The following LRMDA variants were observed in gnomAD, a reference collection of about 807,000 sequenced individuals.
The protein encoded by LRMDA is leucine-rich melanocyte differentiation-associated protein.
LRMDA carries 18 observed loss-of-function variants against 29.8 expected under a neutral mutation model. The observed-to-expected ratio is 0.60, with a 90% CI of 0.42 to 0.90. LRMDA has a LOEUF of 0.90. Among genes scored for constraint, LRMDA ranks in the 40% least tolerant of loss-of-function variants. The pLI is 0.00. For missense variants in LRMDA, 273 were observed against 273.9 expected (o/e 1.00, Z 0.02); for synonymous variants, 125 against 109.4 (o/e 1.14, Z -0.89).
intron 5 of LRMDA, among the ~76,000 whole-genome samples, chr10:76,128,547 G>A (rs1415174060): frequency 6.6e-6 from 1 of 152,186 alleles, no homozygotes; most frequent in Admixed American, 6.5e-5. Context: ...AGTGAGTGAG[G>A]CCAGATGCCA....
intron 5 of LRMDA, among the ~76,000 whole-genome samples, chr10:76,276,254 C>A (rs1475194725): frequency 6.6e-6 from 1 of 152,088 alleles, no homozygotes; most frequent in Admixed American, 6.6e-5. Context: ...ATCCTCCTGC[C>A]TTGGCCTCCC....
chr10:75,765,923 A>G (rs2132231231), intron 2 of LRMDA, among the ~76,000 whole-genome samples: 1 of 152,250 alleles, frequency 6.6e-6, no homozygotes, highest in South Asian at 2.1e-4. Context: ...CTCCTGTGGG[A>G]AGCATGGAGT....
chr10:75,612,783 A>G (rs183540100), intron 2 of LRMDA, among the ~76,000 whole-genome samples: 2 of 151,864 alleles, frequency 1.3e-5, no homozygotes, highest in South Asian at 2.1e-4. Context: ...TTGATGCAGA[A>G]CAAGGAAAAA....
At chr10:76,464,644 C>T (rs1564548967) in intron 6 of LRMDA, among the ~76,000 whole-genome samples, 1 of 152,176 alleles carries the variant, frequency 6.6e-6, no homozygotes. Flanking sequence ...AAGCAAAAAG[C>T]CAGAAGAATG....
chr10:75,486,054 T>G (rs1844909300), intron 2 of LRMDA, among the ~76,000 whole-genome samples: 1 of 152,240 alleles, frequency 6.6e-6, no homozygotes, highest in Admixed American at 6.5e-5. Context: ...CTGCTTTGTG[T>G]CTTATGGGTT....
At chr10:76,306,752 T>A (rs548800443) in intron 5 of LRMDA, among the ~76,000 whole-genome samples, 1 of 152,358 alleles carries the variant, frequency 6.6e-6, no homozygotes, top group South Asian at 2.1e-4. Context: ...TTAAAACTTT[T>A]TAGACTGTTG....
rs529794041 is a variant in LRMDA, at chr10:76,368,613, G to A, written c.601+44128G>A. On this transcript the variant is annotated intron_variant, in intron 6 of 6. Transcript: ENST00000611255. Reference sequence around the variant, plus strand: ...GAAATGTTTTGTATATATTTGTTGAGTCCATTTGTTCCAAGGTATAGTTTA... The same window carrying A: ...GAAATGTTTTGTATATATTTGTTGAATCCATTTGTTCCAAGGTATAGTTTA... Among the ~76,000 whole-genome samples, 4 of 152,256 alleles carry A rather than the reference G, an allele frequency of 2.6e-5. No homozygotes were observed. The South Asian group carries it at 8.3e-4, about 32-fold the overall frequency.
intron 2 of LRMDA, among the ~76,000 whole-genome samples, chr10:75,514,757 A>G (rs1411976846): frequency 6.6e-6 from 1 of 152,166 alleles, no homozygotes; most frequent in Non-Finnish European, 1.5e-5. Context: ...CCCTCACCAG[A>G]TACAGATGCT....
chr10:75,949,234 A>AG (rs1343726077), intron 2 of LRMDA, among the ~76,000 whole-genome samples: 1 of 152,158 alleles, frequency 6.6e-6, no homozygotes, highest in Non-Finnish European at 1.5e-5. Context: ...CTTGCAAAAA[A>AG]GGTTTGTCGT....
intron 2 of LRMDA, among the ~76,000 whole-genome samples, chr10:75,505,449 A>G (rs567528015): frequency 9.9e-5 from 15 of 152,268 alleles, no homozygotes; most frequent in African/African-American, 3.6e-4. Flanking sequence ...ACAGCCAGCA[A>G]TCTCTACCAC....
At chr10:76,009,529 T>A (rs1847735174) in intron 2 of LRMDA, among the ~76,000 whole-genome samples, 1 of 152,046 alleles carries the variant, frequency 6.6e-6, no homozygotes, top group African/African-American at 2.4e-5. Context: ...GAGTGTGGAT[T>A]GCGGGCCAGG....
At chr10:76,048,180 A>G (rs1434089197) in intron 4 of LRMDA, among the ~76,000 whole-genome samples, 1 of 152,198 alleles carries the variant, frequency 6.6e-6, no homozygotes, top group Non-Finnish European at 1.5e-5. Flanking sequence ...TAAATTTTGT[A>G]TATGTATATA....
chr10:75,664,014 A>G (rs1841789234), intron 2 of LRMDA, among the ~76,000 whole-genome samples: 1 of 152,156 alleles, frequency 6.6e-6, no homozygotes, highest in Non-Finnish European at 1.5e-5. Flanking sequence ...CAGGAACTCT[A>G]TCAGGGACCC....
At chr10:76,111,295 G>A (rs1190575525) in intron 5 of LRMDA, among the ~76,000 whole-genome samples, 2 of 152,208 alleles carry the variant, frequency 1.3e-5, no homozygotes, top group African/African-American at 4.8e-5. Context: ...CTCAGGACAG[G>A]GACCGTATCT....
intron 2 of LRMDA, among the ~76,000 whole-genome samples, chr10:75,767,675 G>A (rs1057477357): frequency 6.6e-6 from 1 of 152,134 alleles, no homozygotes; most frequent in African/African-American, 2.4e-5. Flanking sequence ...TTTGATTAGA[G>A]TCTTCTGATA....
At position 76,267,980 on chromosome 10, in the gene LRMDA, C is replaced by T. The variant is rs528622169; in HGVS notation, c.517-56421C>T. 3.3e-4 allele frequency among the ~76,000 whole-genome samples: 51 copies of T among 152,300 alleles called. 2 individuals carry two copies. The South Asian group carries it at 0.011, about 32-fold the overall frequency. ...TACATATTGCTATTAAAATGATTTA[C>T]ATATATTTGTTCTGTATACCTCCTA... On this transcript the variant is annotated intron_variant, in intron 5 of 6. Transcript: ENST00000611255.
At chr10:75,518,693 C>G (rs1845323400) in intron 2 of LRMDA, among the ~76,000 whole-genome samples, 5 of 152,122 alleles carry the variant, frequency 3.3e-5, no homozygotes, top group Admixed American at 3.3e-4. Context: ...TTTTGTGTCT[C>G]TATCTCCTTC....
At chr10:75,943,702 T>C (rs1435855382) in intron 2 of LRMDA, among the ~76,000 whole-genome samples, 2 of 152,210 alleles carry the variant, frequency 1.3e-5, no homozygotes, top group Admixed American at 6.5e-5. Context: ...TTAGAGATTA[T>C]TTGCTCAGTT....
intron 6 of LRMDA, among the ~76,000 whole-genome samples, chr10:76,433,394 C>T (rs1043945962): frequency 2.0e-5 from 3 of 152,140 alleles, no homozygotes; most frequent in Admixed American, 6.5e-5. Flanking sequence ...GGAGCCAGAA[C>T]GAGGCACAGA....
Sources: gnomAD v4.1 joint callset for allele counts (sites outside exome capture counted in the v4.1 genomes callset) on GRCh38, gnomAD v4.1.1 for gene constraint, MANE v1.5 for transcripts, NCBI Gene and HGNC (gene_info 2026-07-23, HGNC 2026-07-21) for gene names.